The following CRADD variants were observed in gnomAD, a reference collection of about 807,000 sequenced individuals.
CRADD encodes the protein CARD and death domain containing adaptor protein.
CRADD carries 9 observed loss-of-function variants against 15.5 expected under a neutral mutation model. That is an observed-to-expected ratio of 0.58 (90% confidence interval 0.35 to 1.01). The LOEUF is 1.01. Ranked by LOEUF, CRADD falls within the 50% of genes least tolerant of loss-of-function variation. The pLI, the probability that CRADD is intolerant of heterozygous loss-of-function variation, is 0.02. For synonymous variants in CRADD, 118 were observed against 107.6 expected, an observed-to-expected ratio of 1.10 and a Z score of -0.60; for missense variants, 227 against 250.3, an observed-to-expected ratio of 0.91 and a Z score of 0.63.
chr12:93,768,902 G>C (rs947928248), intron 2 of CRADD, among the ~76,000 whole-genome samples: 1 of 152,042 alleles, frequency 6.6e-6, no homozygotes, highest in African/African-American at 2.4e-5. Context: ...GGAACTTTAC[G>C]TAAATGAAAT....
At chr12:93,888,735 T>C (rs1295262800) in intron 2 of CRADD, among the ~76,000 whole-genome samples, 2 of 152,122 alleles carry the variant, frequency 1.3e-5, no homozygotes, top group Non-Finnish European at 2.9e-5. Flanking sequence ...CTAGTCCAAG[T>C]TAATCCATTA....
downstream of CRADD, among the ~76,000 whole-genome samples, chr12:93,851,613 A>G (rs1353350111): frequency 6.6e-6 from 1 of 152,230 alleles, no homozygotes; most frequent in Non-Finnish European, 1.5e-5. Flanking sequence ...GTTAGACCAC[A>G]GGCAAAGCTG....
At chr12:93,729,389 T>C (rs917749215) in intron 2 of CRADD, among the ~76,000 whole-genome samples, 32 of 152,208 alleles carry the variant, frequency 2.1e-4, no homozygotes, top group African/African-American at 7.5e-4. Flanking sequence ...AACTAAAGAA[T>C]CTATAAAAGC....
chr12:93,801,160 A>G (rs931469942), intron 2 of CRADD, among the ~76,000 whole-genome samples: 1 of 152,176 alleles, frequency 6.6e-6, no homozygotes, highest in Non-Finnish European at 1.5e-5. Flanking sequence ...GATTGATTGG[A>G]GGTTTTGACA....
chr12:93,862,849 T>C (rs1958328972), intron 2 of CRADD, among the ~76,000 whole-genome samples: 1 of 152,180 alleles, frequency 6.6e-6, no homozygotes, highest in Non-Finnish European at 1.5e-5. Context: ...TAGAGAACAC[T>C]CAACCTTGGG....
intron 2 of CRADD, among the ~76,000 whole-genome samples, chr12:93,843,034 C>T (rs1958067899): frequency 6.6e-6 from 1 of 152,130 alleles, no homozygotes; most frequent in African/African-American, 2.4e-5. Context: ...GTTAAATTCC[C>T]ATTTGGGATT....
intron 2 of CRADD, among the ~76,000 whole-genome samples, chr12:93,739,617 A>G (rs893074648): frequency 5.3e-4 from 81 of 152,110 alleles, no homozygotes; most frequent in African/African-American, 1.9e-3. Flanking sequence ...AGCTATGACA[A>G]TGTCACTGGA....
chr12:93,682,561 GT>G (rs1352272758), intron 2 of CRADD, among the ~76,000 whole-genome samples: 1 of 152,100 alleles, frequency 6.6e-6, no homozygotes, highest in East Asian at 1.9e-4. Flanking sequence ...TTATTGGTTT[GT>G]TGTTTTAATT....
Position 93,679,254 on chromosome 12 carries a change from G to C in CRADD, c.298+182G>C, listed in dbSNP as rs116090358. Reference sequence around the variant, plus strand: ...CTTCCTGGGTTCAAGCAATTCACTTGCTTCAGCCTCCCGAGTTGCTGGGAA... The same window carrying C: ...CTTCCTGGGTTCAAGCAATTCACTTCCTTCAGCCTCCCGAGTTGCTGGGAA... On this transcript the variant is annotated intron_variant, in intron 2 of 2. Transcript: ENST00000332896. Among the ~76,000 whole-genome samples the C allele has an allele frequency of 9.5e-3, 1,443 of 152,232 alleles. 13 individuals carry two copies. Among genetic ancestry groups the C allele is most frequent in the African/African-American group, 0.032 (1,321 of 41,526 alleles).
At chr12:93,753,591 C>T (rs1341868515) in intron 2 of CRADD, among the ~76,000 whole-genome samples, 2 of 152,224 alleles carry the variant, frequency 1.3e-5, no homozygotes, top group Non-Finnish European at 2.9e-5. Flanking sequence ...ATACACTCAT[C>T]CCAAATGGGA....
chr12:93,779,620 C>T (rs1396476699), intron 2 of CRADD, among the ~76,000 whole-genome samples: 1 of 144,656 alleles, frequency 6.9e-6, no homozygotes, highest in Non-Finnish European at 1.5e-5. Context: ...GACAGAGTCT[C>T]ACTCTGTCAC....
At position 93,686,304 on chromosome 12, in the gene CRADD, C is replaced by CAA. The variant is rs59096792; in HGVS notation, c.298+7252_298+7253dup. Among the ~76,000 whole-genome samples the CAA allele has an allele frequency of 8.3e-3, 548 of 65,812 alleles. 4 individuals are homozygous for CAA. The highest frequency in any genetic ancestry group is 0.031 in the African/African-American group (480 of 15,290). 43.2% of individuals were successfully genotyped at this position (65,812 alleles called of 152,430 possible). On this transcript the variant is annotated intron_variant, in intron 2 of 2. Coordinates refer to ENST00000332896, the MANE Select transcript of CRADD (RefSeq NM_003805.5). ...CAACAGAGTGAGACTCCATCCCCCC[C>CAA]AAAAAAAAAAAAAAAAAAAAAGAAA...
chr12:93,731,709 T>C (rs1956467951), intron 2 of CRADD, among the ~76,000 whole-genome samples: 2 of 152,240 alleles, frequency 1.3e-5, no homozygotes, highest in South Asian at 4.1e-4. Context: ...TATAGCCATA[T>C]AGCTTAACGA....
intron 2 of CRADD, among the ~76,000 whole-genome samples, chr12:93,739,491 C>T (rs2136926529): frequency 6.6e-6 from 1 of 150,488 alleles, no homozygotes; most frequent in Admixed American, 6.6e-5. Context: ...TAGAGGAGTT[C>T]CTAAAAAAAA....
chr12:93,744,719 TTAAAA>T (rs1463415032), intron 2 of CRADD, among the ~76,000 whole-genome samples: 4 of 152,150 alleles, frequency 2.6e-5, no homozygotes, highest in Non-Finnish European at 4.4e-5. Flanking sequence ...CAAGGTAAAA[TTAAAA>T]TAAATCCAAG....
At chr12:93,884,549 C>T (rs981886417) in intron 2 of CRADD, among the ~76,000 whole-genome samples, 1 of 152,164 alleles carries the variant, frequency 6.6e-6, no homozygotes, top group Non-Finnish European at 1.5e-5. Flanking sequence ...GGGAAGTTCA[C>T]GGAATTTGCA....
chr12:93,710,428 C>G (rs1366842097), intron 2 of CRADD, among the ~76,000 whole-genome samples: 2 of 151,212 alleles, frequency 1.3e-5, no homozygotes, highest in East Asian at 3.9e-4. Context: ...TCACTGCAAC[C>G]TCTGCCTCCT....
chr12:93,747,591 C>T (rs1956773907), intron 2 of CRADD, among the ~76,000 whole-genome samples: 2 of 152,136 alleles, frequency 1.3e-5, no homozygotes. Flanking sequence ...GCCTCAGCCT[C>T]CCAAGTAGCT....
Position 93,687,538 on chromosome 12 carries a change from C to A in CRADD, c.298+8466C>A, listed in dbSNP as rs144671413. Reference sequence around the variant, plus strand: ...CATGCCCATGTGTAAGTCAGGCACACGTACAAATGCTTCGTGAGGTCATCT... The same window carrying A: ...CATGCCCATGTGTAAGTCAGGCACAAGTACAAATGCTTCGTGAGGTCATCT... On this transcript the variant is annotated intron_variant, in intron 2 of 2. Coordinates refer to ENST00000332896, the MANE Select transcript of CRADD (RefSeq NM_003805.5). Among the ~76,000 whole-genome samples, 570 of 152,226 alleles carry A rather than the reference C, an allele frequency of 3.7e-3. 5 individuals carry two copies. Among genetic ancestry groups the A allele is most frequent in the Non-Finnish European group, 4.9e-3 (333 of 68,002 alleles).
Sources: gnomAD v4.1 joint callset for allele counts (sites outside exome capture counted in the v4.1 genomes callset) on GRCh38, gnomAD v4.1.1 for gene constraint, MANE v1.5 for transcripts, NCBI Gene and HGNC (gene_info 2026-07-23, HGNC 2026-07-21) for gene names.